MAP3K4: variants seen among roughly 807,000 people sequenced by gnomAD.
The protein encoded by MAP3K4 is MAP three kinase 1.
A neutral mutation model predicts 185.6 loss-of-function variants in MAP3K4; 67 were observed. That is an observed-to-expected ratio of 0.36 (90% CI 0.30 to 0.44). MAP3K4 has a LOEUF of 0.44. MAP3K4 is among the 20% of genes least tolerant of loss of function. MAP3K4 has a pLI of 1.00. For missense variants in MAP3K4, 1,551 were observed against 1,995.1 expected, an observed-to-expected ratio of 0.78 and a Z score of 4.24; for synonymous variants, 702 against 710.4, an observed-to-expected ratio of 0.99 and a Z score of 0.19.
chr6:161,060,149 C>G (rs1784421855), intron 3 of MAP3K4, among the ~76,000 whole-genome samples: 1 of 152,092 alleles, frequency 6.6e-6, no homozygotes, highest in South Asian at 2.1e-4. Context: ...TGAGGATATT[C>G]TAATTCTCTC....
intron 1 of MAP3K4, among the ~76,000 whole-genome samples, chr6:161,016,773 C>T (rs146029083): frequency 2.6e-5 from 4 of 152,304 alleles, no homozygotes; most frequent in Non-Finnish European, 5.9e-5. Context: ...GGTGAGTCCT[C>T]CAGCATTACT....
intron 2 of MAP3K4, among the ~76,000 whole-genome samples, chr6:161,047,018 A>C (rs1349454934): frequency 6.8e-6 from 1 of 147,326 alleles, no homozygotes; most frequent in African/African-American, 2.5e-5. Context: ...TAAGGTAAAA[A>C]CAGCTTATAA....
chr6:161,047,378 T>C (rs1281047295), intron 2 of MAP3K4, among the ~76,000 whole-genome samples: 1 of 151,624 alleles, frequency 6.6e-6, no homozygotes, highest in Non-Finnish European at 1.5e-5. Flanking sequence ...AAGTTGAGGC[T>C]GCACTCCAGC....
Position 160,992,029 on chromosome 6 carries a change from C to A in MAP3K4, c.98C>A (p.Pro33Gln). The A allele has an allele frequency of 6.4e-7, 1 of 1,564,662 alleles. No homozygotes were observed. The highest frequency in any genetic ancestry group is 8.6e-7 in the Non-Finnish European group (1 of 1,162,414). ...CCGCCGCCACCGCCGCCGCCGCCAC[C>A]ACCGCCACCGGAACCCGAGACCGAG... ...EEPPPPPPPP[P>Q]PPPEPETESE... The change falls in exon 1 of 27, where the codon CCA becomes CAA. Residue 33 changes from proline to glutamine, a missense_variant. By Grantham distance (76) the Pro-to-Gln change is moderately conservative. This residue lies in a region of MAP3K4 where 287 missense variants were observed against 268.8 expected (regional missense o/e 1.07). Coordinates refer to ENST00000392142, the MANE Select transcript of MAP3K4 (RefSeq NM_005922.4).
intron 1 of MAP3K4, among the ~76,000 whole-genome samples, chr6:160,995,309 G>A (rs756264952): frequency 1.3e-5 from 2 of 152,188 alleles, no homozygotes; most frequent in African/African-American, 4.8e-5. Flanking sequence ...AACTGGTTTT[G>A]CCACAGACTA....
chr6:161,018,194 T>C (rs1036746766), intron 1 of MAP3K4, among the ~76,000 whole-genome samples: 13 of 152,138 alleles, frequency 8.5e-5, no homozygotes, highest in Middle Eastern at 3.4e-3. Context: ...GCTGAGGCAG[T>C]TGGAAGTTGA....
At position 161,076,180 on chromosome 6, in the gene MAP3K4, G is replaced by A. The variant is rs1197780444; in HGVS notation, c.2097+2568G>A. On this transcript the variant is annotated intron_variant, in intron 5 of 26. Transcript: ENST00000392142. The surrounding 1 kb of genome is among the most constrained non-coding windows in gnomAD (Gnocchi z 4.2). ...TAAATACGTGTCCGCCTTAGGCCCA[G>A]AAGGCCCACCCAGAGATTAACTAGA... 6.6e-6 allele frequency among the ~76,000 whole-genome samples: 1 copy of A among 152,202 alleles called. No individual in the cohort carries two copies. The highest frequency in any genetic ancestry group is 1.9e-4 in the East Asian group (1 of 5,190).
In MAP3K4 at chr6:161,073,001, A is replaced by C. The variant is rs929701585; in HGVS notation, c.1951-465A>C. Reference sequence around the variant, plus strand: ...GATGGTAGACTGGGCCACAAATCACAGTAGGTAAACTATGCTAAATTATTG... The same window carrying C: ...GATGGTAGACTGGGCCACAAATCACCGTAGGTAAACTATGCTAAATTATTG... On this transcript the variant is annotated intron_variant, in intron 4 of 26. Coordinates refer to ENST00000392142, the MANE Select transcript of MAP3K4 (RefSeq NM_005922.4). The surrounding 1 kb of genome is among the most constrained non-coding windows in gnomAD (Gnocchi z 4.2). 2.6e-4 allele frequency among the ~76,000 whole-genome samples: 40 copies of C among 152,344 alleles called. No homozygotes were observed. Among genetic ancestry groups the C allele is most frequent in the African/African-American group, 9.6e-4 (40 of 41,576 alleles).
chr6:161,052,429 C>T (rs770168081), intron 3 of MAP3K4, among the ~76,000 whole-genome samples: 2 of 152,098 alleles, frequency 1.3e-5, no homozygotes, highest in South Asian at 2.1e-4. Flanking sequence ...AAAAGAAACA[C>T]GAATTCAAAG....
In MAP3K4 at chr6:161,087,586, T is replaced by G; in HGVS notation, c.2557-102T>G. 3 of 1,237,782 alleles carry G rather than the reference T, an allele frequency of 2.4e-6. No individual in the cohort carries two copies. In the South Asian group the frequency reaches 3.8e-5, roughly 16 times the overall value. 76.7% of individuals were successfully genotyped at this position (1,237,782 alleles called of 1,614,324 possible). On this transcript the variant is annotated intron_variant, in intron 9 of 26. Coordinates refer to ENST00000392142, the MANE Select transcript of MAP3K4 (RefSeq NM_005922.4). The surrounding 1 kb of genome is among the most constrained non-coding windows in gnomAD (Gnocchi z 4.9). ...TGCTCCAATTCATGCCCTTCCCACTTTCCCTTTCCCAAACCTGCCTCTCCT... is the reference window on the plus strand; with the variant it reads ...TGCTCCAATTCATGCCCTTCCCACTGTCCCTTTCCCAAACCTGCCTCTCCT...
intron 1 of MAP3K4, among the ~76,000 whole-genome samples, chr6:160,998,384 A>G (rs761897158): frequency 5.3e-5 from 8 of 152,230 alleles, no homozygotes; most frequent in African/African-American, 2.4e-5. Context: ...CGTGTTACAC[A>G]TTTTATTTTA....
chr6:161,030,493 A>C (rs1029404980), intron 1 of MAP3K4, among the ~76,000 whole-genome samples: 2 of 151,884 alleles, frequency 1.3e-5, no homozygotes, highest in Non-Finnish European at 2.9e-5. Context: ...CCCAGGCTGG[A>C]GTGCAGTGGT....
intron 3 of MAP3K4, among the ~76,000 whole-genome samples, chr6:161,058,955 A>C (rs1466081692): frequency 6.6e-6 from 1 of 152,146 alleles, no homozygotes; most frequent in African/African-American, 2.4e-5. Context: ...TTTTTGTAAG[A>C]ATGCTTAATT....
rs1320916207 is a variant in MAP3K4, at chr6:161,084,982, T to TA, written c.2372+370dup. Among the ~76,000 whole-genome samples, 1 of 151,732 alleles carries TA rather than the reference T, an allele frequency of 6.6e-6. No individual in the cohort carries two copies. The highest frequency in any genetic ancestry group is 2.4e-5 in the African/African-American group (1 of 41,200). ...CAAGATGGTGAAACCTCGTCTCTAC[T>TA]AAAAATACAAAAAAAACAGCTGGGC... On this transcript the variant is annotated intron_variant, in intron 7 of 26. Transcript: ENST00000392142. This position sits in a 1 kb window ranked among gnomAD's most constrained non-coding sequence, Gnocchi z 4.6.
In MAP3K4 at chr6:161,111,821, T is replaced by G. The variant is rs1778363039; in HGVS notation, c.4397-15T>G. On this transcript the variant is annotated splice_polypyrimidine_tract_variant and intron_variant, in intron 23 of 26. Transcript: ENST00000392142. The stretch of plus-strand genomic sequence containing the variant: ...GTTTCAGAGGCTGCGTAACAACTAC[T>G]TCTTTTCTTTTTAGGTGCCAATATC... The G allele has an allele frequency of 2.7e-6, 4 of 1,496,896 alleles. No individual in the cohort carries two copies. Among genetic ancestry groups the G allele is most frequent in the Non-Finnish European group, 3.5e-6 (4 of 1,127,730 alleles). The allele number at this position is 1,496,896 out of a possible 1,614,324, so 92.7% of individuals were successfully genotyped here.
rs1173741367 is a variant in MAP3K4, at chr6:161,034,375, G to A, written c.269G>A (p.Arg90Gln). The A allele has an allele frequency of 2.0e-5, 32 of 1,613,870 alleles. No homozygotes were observed. The East Asian group carries it at 5.1e-4, about 26-fold the overall frequency. ...GGTACCTCTCCCCCCAGCACACCTC[G>A]ACAGATGAAACGCATGTCAACCAAA... Reference protein sequence around the residue: ...LYGTSPPSTPRQMKRMSTKHQ... With the variant: ...LYGTSPPSTPQQMKRMSTKHQ... Residue 90 changes from arginine (R) to glutamine (Q), a missense_variant, in exon 2 of 27, where the codon CGA (arginine) becomes CAA (glutamine). Arg to Gln is a conservative substitution (Grantham distance 43). Around this residue, in one of 16 missense-constraint regions of MAP3K4, gnomAD observed 287 missense variants for 268.8 expected, o/e 1.07. Transcript: ENST00000392142. This position sits in a 1 kb window ranked among gnomAD's most constrained non-coding sequence, Gnocchi z 4.4.
At chr6:161,002,982 CTG>C (rs1312834475) in intron 1 of MAP3K4, among the ~76,000 whole-genome samples, 1 of 152,166 alleles carries the variant, frequency 6.6e-6, no homozygotes, top group East Asian at 1.9e-4. Flanking sequence ...CAATGGCAAA[CTG>C]TATTCCTCTA....
intron 3 of MAP3K4, among the ~76,000 whole-genome samples, chr6:161,068,938 G>A (rs188139410): frequency 6.6e-6 from 1 of 152,352 alleles, no homozygotes; most frequent in Admixed American, 6.5e-5. Context: ...AGTTCTAGAT[G>A]TGGGGGTTTA....
Position 161,097,074 on chromosome 6 carries a change from T to G in MAP3K4, c.3428-6T>G, listed in dbSNP as rs778745689. On this transcript the variant is annotated splice_region_variant and splice_polypyrimidine_tract_variant and intron_variant, in intron 15 of 26. Coordinates refer to ENST00000392142, the MANE Select transcript of MAP3K4 (RefSeq NM_005922.4). The surrounding 1 kb of genome is among the most constrained non-coding windows in gnomAD (Gnocchi z 4.9). ...AAGTTGCATTTGTTGCCATTTTTGCTGGCAGCCATTCATCGGAACAGCCCC... is the reference window on the plus strand; with the variant it reads ...AAGTTGCATTTGTTGCCATTTTTGCGGGCAGCCATTCATCGGAACAGCCCC... 8.1e-6 allele frequency: 13 copies of G among 1,613,470 alleles called. No individual in the cohort carries two copies. Among genetic ancestry groups the G allele is most frequent in the Non-Finnish European group, 1.0e-5 (12 of 1,179,548 alleles).
Sources: gnomAD v4.1 joint callset for allele counts (sites outside exome capture counted in the v4.1 genomes callset) on GRCh38, gnomAD v4.1.1 for gene constraint, gnomAD v4.1.1 regional missense constraint, Gnocchi (gnomAD v3.1) non-coding constraint, MANE v1.5 for transcripts, NCBI Gene and HGNC (gene_info 2026-07-23, HGNC 2026-07-21) for gene names.